Variants in DEFB126 observed in about 807,000 individuals in gnomAD.
DEFB126 encodes beta-defensin 126.
In DEFB126, 2 loss-of-function variants were observed where a neutral mutation model predicts 2.5. That is an observed-to-expected ratio of 0.79 (90% CI 0.32 to 2.49). DEFB126 has a LOEUF of 2.49. Among genes scored for constraint, DEFB126 ranks in the 30% most tolerant of loss-of-function variants. The pLI is 0.11. For synonymous variants in DEFB126, 51 were observed against 45.4 expected (o/e 1.12, Z -0.50); for missense variants, 136 against 135.4 (o/e 1.00, Z -0.02).
At position 145,656 on chromosome 20, in the gene DEFB126, T is replaced by C; in HGVS notation, c.300T>C (p.Ser100=). The part of the protein sequence containing the change: ...TTLMMTTASM[S]SMAPTPVSPT... ...TGATGATGACTACTGCTTCGATGTCTTCGATGGCTCCTACCCCCGTTTCTC... is the reference window on the plus strand; with the variant it reads ...TGATGATGACTACTGCTTCGATGTCCTCGATGGCTCCTACCCCCGTTTCTC... Residue 100 remains serine, a synonymous_variant, in exon 2 of 2, where the codon TCT becomes TCC. Transcript: ENST00000382398. The C allele has an allele frequency of 6.3e-7, 1 of 1,579,886 alleles. No homozygotes were observed. Among genetic ancestry groups the C allele is most frequent in the Non-Finnish European group, 8.6e-7 (1 of 1,166,202 alleles).
At position 142,643 on chromosome 20, in the gene DEFB126, G is replaced by A. The variant is rs770707598; in HGVS notation, c.15G>A (p.Leu5=). 1.2e-6 allele frequency: 2 copies of A among 1,613,818 alleles called. No homozygotes were observed. Among genetic ancestry groups the A allele is most frequent in the Non-Finnish European group, 1.7e-6 (2 of 1,179,766 alleles). MKSL[L]FTLAVFMLLA... ...ACTGCCTCCTGATGAAGTCCCTACT[G>A]TTCACCCTTGCAGTTTTTATGCTCC... The change falls in exon 1 of 2, where the codon CTG becomes CTA. Residue 5 remains leucine, a synonymous_variant. Transcript: ENST00000382398.
intron 1 of DEFB126, among the ~76,000 whole-genome samples, chr20:144,856 G>GATA: frequency 6.6e-6 from 1 of 151,740 alleles, no homozygotes; most frequent in African/African-American, 2.4e-5. Flanking sequence ...TCCATAACTT[G>GATA]ACATGACATT....
intron 1 of DEFB126, among the ~76,000 whole-genome samples, chr20:143,604 T>C (rs1191505433): frequency 6.6e-6 from 1 of 152,164 alleles, no homozygotes; most frequent in South Asian, 2.1e-4. Flanking sequence ...CTTATTAATA[T>C]ATCATTGTGA....
Position 145,448 on chromosome 20 carries a change from T to G in DEFB126, c.92T>G (p.Val31Gly), listed in dbSNP as rs1408641697. 1 of 1,613,810 alleles carries G rather than the reference T, an allele frequency of 6.2e-7. No individual in the cohort carries two copies. The highest frequency in any genetic ancestry group is 1.7e-5 in the Admixed American group (1 of 59,962). The change falls in exon 2 of 2, where the codon GTT becomes GGT. Residue 31 changes from valine to glycine, a missense_variant. Transcript: ENST00000382398. The part of the protein sequence containing the change: ...NWYVKKCLND[V>G]GICKKKCKPE... ...TATGTGAAAAAGTGTCTAAACGACG[T>G]TGGAATTTGCAAGAAGAAGTGCAAA...
intron 1 of DEFB126, among the ~76,000 whole-genome samples, chr20:145,181 TG>T (rs1336808685): frequency 1.3e-5 from 2 of 152,112 alleles, no homozygotes; most frequent in African/African-American, 4.8e-5. Flanking sequence ...CCCTGGTAAG[TG>T]TTTGTATACA....
Position 145,706 on chromosome 20 carries a change from T to C in DEFB126, c.*14T>C, listed in dbSNP as rs1357499157. On this transcript the variant is annotated 3_prime_UTR_variant, in exon 2 of 2. Transcript: ENST00000382398. Reference sequence around the variant, plus strand: ...CCCACTGGTTGAACATTCCAGCCTCTGTCTCCTGCTCTAGGATCCCCGACT... The same window carrying C: ...CCCACTGGTTGAACATTCCAGCCTCCGTCTCCTGCTCTAGGATCCCCGACT... 6.2e-7 allele frequency: 1 copy of C among 1,605,074 alleles called. No homozygotes were observed. Among genetic ancestry groups the C allele is most frequent in the South Asian group, 1.1e-5 (1 of 90,610 alleles).
In DEFB126 at chr20:145,622, C is replaced by T. The variant is rs960537230; in HGVS notation, c.266C>T (p.Thr89Ile). ...RISTVTATTATTTLMMTTASM... is the reference protein window; with the variant it reads ...RISTVTATTAITTLMMTTASM... Reference sequence around the variant, plus strand: ...TCAACAGTAACAGCAACAACAGCAACAACAACTTTGATGATGACTACTGCT... The same window carrying T: ...TCAACAGTAACAGCAACAACAGCAATAACAACTTTGATGATGACTACTGCT... The change falls in exon 2 of 2, where the codon ACA becomes ATA. Residue 89 changes from threonine (T) to isoleucine (I), a missense_variant. Thr to Ile is a moderately conservative substitution (Grantham distance 89). Transcript: ENST00000382398. 6.2e-7 allele frequency: 1 copy of T among 1,613,938 alleles called. No homozygotes were observed. Among genetic ancestry groups the T allele is most frequent in the Non-Finnish European group, 8.5e-7 (1 of 1,179,920 alleles).
At position 145,550 on chromosome 20, in the gene DEFB126, G is replaced by A. The variant is rs368422640; in HGVS notation, c.194G>A (p.Arg65His). 1.1e-4 allele frequency: 172 copies of A among 1,614,064 alleles called. No individual in the cohort carries two copies. The African/African-American group carries it at 1.5e-3, about 14-fold the overall frequency. ...GACTGCTGTGTTCCAGCTGACAGAC[G>A]TGCTAATTATCCTGTTTTCTGTGTC... ...QRDCCVPADR[R>H]ANYPVFCVQT... The change falls in exon 2 of 2, where the codon CGT (arginine) becomes CAT (histidine). Residue 65 changes from arginine to histidine, a missense_variant. By Grantham distance (29) the Arg-to-His change is conservative. Coordinates refer to ENST00000382398, the MANE Select transcript of DEFB126 (RefSeq NM_030931.4).
Position 145,463 on chromosome 20 carries a change from A to AGAAGTGCAAACCT in DEFB126, c.112_124dup (p.Glu42ValfsTer4). ...CTAAACGACGTTGGAATTTGCAAGA[A>AGAAGTGCAAACCT]GAAGTGCAAACCTGAAGAGATGCAT... On this transcript the variant is annotated frameshift_variant, in exon 2 of 2. Transcript: ENST00000382398. LOFTEE classifies it low-confidence loss of function (END_TRUNC). The AGAAGTGCAAACCT allele has an allele frequency of 1.9e-6, 3 of 1,614,036 alleles. No individual in the cohort carries two copies. Among genetic ancestry groups the AGAAGTGCAAACCT allele is most frequent in the Non-Finnish European group, 2.5e-6 (3 of 1,179,922 alleles).
Position 145,725 on chromosome 20 carries a change from C to T in DEFB126, c.*33C>T, listed in dbSNP as rs1200482116. On this transcript the variant is annotated 3_prime_UTR_variant, in exon 2 of 2. Transcript: ENST00000382398. ...AGCCTCTGTCTCCTGCTCTAGGATC[C>T]CCGACTCATTAAAGCAAAGAGGCTT... The T allele has an allele frequency of 1.3e-6, 2 of 1,592,088 alleles. No homozygotes were observed. The highest frequency in any genetic ancestry group is 3.4e-5 in the Admixed American group (2 of 59,382).
intron 1 of DEFB126, among the ~76,000 whole-genome samples, chr20:143,971 C>T (rs1261303104): frequency 6.6e-6 from 1 of 152,058 alleles, no homozygotes; most frequent in Non-Finnish European, 1.5e-5. Context: ...ATGAAATAAA[C>T]TAATATTCTT....
chr20:145,465 A>T lies in DEFB126; in HGVS notation c.109A>T (p.Lys37Ter), dbSNP rs769657189. 20 of 1,614,028 alleles carry T rather than the reference A, an allele frequency of 1.2e-5. No individual in the cohort carries two copies. The South Asian group carries it at 2.0e-4, about 16-fold the overall frequency. Residue 37 changes from lysine (K) to a stop codon, truncating the protein, a stop_gained, in exon 2 of 2, where the codon AAG becomes TAG. Coordinates refer to ENST00000382398, the MANE Select transcript of DEFB126 (RefSeq NM_030931.4). LOFTEE classifies it low-confidence loss of function (END_TRUNC). ...CLNDVGICKK[K>*]CKPEEMHVKN... The stretch of plus-strand genomic sequence containing the variant: ...AAACGACGTTGGAATTTGCAAGAAG[A>T]AGTGCAAACCTGAAGAGATGCATGT...
chr20:145,631 T>G lies in DEFB126; in HGVS notation c.275T>G (p.Leu92Trp). The change falls in exon 2 of 2, where the codon TTG becomes TGG. Residue 92 changes from leucine to tryptophan, a missense_variant. Leu to Trp is a moderately conservative substitution (Grantham distance 61, BLOSUM62 -2). Transcript: ENST00000382398. ...TVTATTATTT[L>W]MMTTASMSSM... Reference sequence around the variant, plus strand: ...ACAGCAACAACAGCAACAACAACTTTGATGATGACTACTGCTTCGATGTCT... The same window carrying G: ...ACAGCAACAACAGCAACAACAACTTGGATGATGACTACTGCTTCGATGTCT... 1 of 1,613,596 alleles carries G rather than the reference T, an allele frequency of 6.2e-7. No homozygotes were observed. Among genetic ancestry groups the G allele is most frequent in the Non-Finnish European group, 8.5e-7 (1 of 1,179,888 alleles).
At position 142,601 on chromosome 20, in the gene DEFB126, TG is replaced by T; in HGVS notation, c.-26del. ...CAGAGTCATACTGAATAGAGACTTCTGGACTCTATAGAACCCACTGCCTCCT... is the reference window on the plus strand; with the variant it reads ...CAGAGTCATACTGAATAGAGACTTCTGACTCTATAGAACCCACTGCCTCCT... On this transcript the variant is annotated 5_prime_UTR_variant, in exon 1 of 2. Transcript: ENST00000382398. The T allele has an allele frequency of 1.9e-6, 3 of 1,611,706 alleles. No homozygotes were observed. Among genetic ancestry groups the T allele is most frequent in the Non-Finnish European group, 2.5e-6 (3 of 1,177,828 alleles).
At chr20:143,188 G>GA (rs889901807) in intron 1 of DEFB126, among the ~76,000 whole-genome samples, 73 of 148,770 alleles carry the variant, frequency 4.9e-4, no homozygotes, top group East Asian at 3.9e-3. Flanking sequence ...AATGGAAAAT[G>GA]AAAAAAAAAA....
intron 1 of DEFB126, among the ~76,000 whole-genome samples, chr20:144,306 C>T (rs2054658988): frequency 6.6e-6 from 1 of 152,000 alleles, no homozygotes; most frequent in African/African-American, 2.4e-5. Context: ...GTTAAAAACT[C>T]AATCATCAGA....
intron 1 of DEFB126, among the ~76,000 whole-genome samples, chr20:145,118 C>G (rs533525560): frequency 8.5e-5 from 13 of 152,156 alleles, no homozygotes; most frequent in African/African-American, 2.4e-4. Flanking sequence ...ATTTTGTGTT[C>G]ATGTATAACA....
intron 1 of DEFB126, among the ~76,000 whole-genome samples, chr20:143,122 T>C (rs1382411829): frequency 6.6e-6 from 1 of 152,110 alleles, no homozygotes; most frequent in Non-Finnish European, 1.5e-5. Flanking sequence ...TTGTTTGTTC[T>C]TGGATGTGGT....
rs77106211 is a variant in DEFB126 at position 145,644 on chromosome 20, T to C, written c.288T>C (p.Thr96=). Residue 96 remains threonine, a synonymous_variant, in exon 2 of 2, where the codon ACT becomes ACC. Transcript: ENST00000382398. ...TTATTTLMMT[T]ASMSSMAPTP... ...CAACAACAACTTTGATGATGACTAC[T>C]GCTTCGATGTCTTCGATGGCTCCTA... 3.4e-3 allele frequency: 5,384 copies of C among 1,606,956 alleles called. 148 individuals are homozygous for C. In the East Asian group the frequency reaches 0.079, roughly 24 times the overall value.
Sources: gnomAD v4.1 joint callset for allele counts (sites outside exome capture counted in the v4.1 genomes callset) on GRCh38, gnomAD v4.1.1 for gene constraint, MANE v1.5 for transcripts, NCBI Gene and HGNC (gene_info 2026-07-23, HGNC 2026-07-21) for gene names.